The following AKAP6 variants were observed in gnomAD, a reference collection of about 807,000 sequenced individuals.
AKAP6 encodes A-kinase anchoring protein 6, also known as A-kinase anchor protein 6.
A neutral mutation model predicts 188.5 loss-of-function variants in AKAP6; 58 were observed. That is an observed-to-expected ratio of 0.31 (90% CI 0.25 to 0.38). The LOEUF is 0.38. AKAP6 is among the 10% of genes least tolerant of loss of function. AKAP6 has a pLI of 1.00. For synonymous variants in AKAP6, 989 were observed against 998.6 expected, an observed-to-expected ratio of 0.99 and a Z score of 0.18; for missense variants, 2,710 against 2,740.0, an observed-to-expected ratio of 0.99 and a Z score of 0.24.
At chr14:32,381,073 A>G (rs1207802451) in intron 1 of AKAP6, among the ~76,000 whole-genome samples, 1 of 152,194 alleles carries the variant, frequency 6.6e-6, no homozygotes, top group African/African-American at 2.4e-5. Context: ...ATGGTAGCTC[A>G]TGCCTGTAAT....
intron 7 of AKAP6, among the ~76,000 whole-genome samples, chr14:32,607,289 C>T (rs1283592599): frequency 1.3e-5 from 2 of 152,208 alleles, no homozygotes; most frequent in East Asian, 1.9e-4. Context: ...TCTTCCGAAA[C>T]AGTGCTAATG....
Position 32,465,970 on chromosome 14 carries a change from G to A in AKAP6, c.324+32153G>A, listed in dbSNP as rs569001442. ...ACATTTATGCAGCCAACAAACATAT[G>A]AAAAAAGCTCATCATCATTGGTCAT... On this transcript the variant is annotated intron_variant, in intron 2 of 13. Coordinates refer to ENST00000280979, the MANE Select transcript of AKAP6 (RefSeq NM_004274.5). Among the ~76,000 whole-genome samples the A allele has an allele frequency of 2.6e-4, 39 of 152,212 alleles. No homozygotes were observed. The South Asian group carries it at 6.6e-3, about 26-fold the overall frequency.
intron 2 of AKAP6, among the ~76,000 whole-genome samples, chr14:32,458,524 T>G (rs1456953458): frequency 6.6e-6 from 1 of 152,148 alleles, no homozygotes; most frequent in African/African-American, 2.4e-5. Context: ...GAAAGTATTA[T>G]TAGTAGTCAC....
chr14:32,463,576 G>C (rs1878211682), intron 2 of AKAP6, among the ~76,000 whole-genome samples: 1 of 152,142 alleles, frequency 6.6e-6, no homozygotes, highest in South Asian at 2.1e-4. Flanking sequence ...CAGTGTACCA[G>C]AATCTCTGGG....
intron 1 of AKAP6, among the ~76,000 whole-genome samples, chr14:32,335,136 G>A (rs1449853422): frequency 6.6e-6 from 1 of 152,046 alleles, no homozygotes; most frequent in Non-Finnish European, 1.5e-5. Flanking sequence ...TTAGAATGGG[G>A]TCTCAAACTG....
At chr14:32,500,841 C>G (rs1880574600) in intron 2 of AKAP6, among the ~76,000 whole-genome samples, 2 of 152,130 alleles carry the variant, frequency 1.3e-5, no homozygotes, top group African/African-American at 4.8e-5. Flanking sequence ...TTCCCCCATT[C>G]CCTTTATCCT....
intron 9 of AKAP6, among the ~76,000 whole-genome samples, chr14:32,707,999 T>G (rs544829498): frequency 6.6e-6 from 1 of 152,120 alleles, no homozygotes; most frequent in African/African-American, 2.4e-5. Flanking sequence ...AATCCACAAC[T>G]AATCACCATA....
At chr14:32,600,936 A>G (rs1885902909) in intron 7 of AKAP6, 144 bp downstream of exon 7, 2 of 685,176 alleles carry the variant, frequency 2.9e-6, no homozygotes, top group Non-Finnish European at 4.2e-6. Flanking sequence ...TATAAACAAA[A>G]TGAAATGCCT....
At chr14:32,769,316 G>A (rs2032825423) in intron 11 of AKAP6, among the ~76,000 whole-genome samples, 1 of 151,922 alleles carries the variant, frequency 6.6e-6, no homozygotes. Context: ...CCACAGTGCT[G>A]GGATTACAGA....
chr14:32,532,621 T>C (rs949456659), intron 2 of AKAP6, among the ~76,000 whole-genome samples: 2 of 152,106 alleles, frequency 1.3e-5, no homozygotes, highest in African/African-American at 2.4e-5. Flanking sequence ...TGCAGGATGG[T>C]GTGGAGTAGA....
Position 32,460,295 on chromosome 14 carries a change from T to G in AKAP6, c.324+26478T>G, listed in dbSNP as rs144350791. On this transcript the variant is annotated intron_variant, in intron 2 of 13. Coordinates refer to ENST00000280979, the MANE Select transcript of AKAP6 (RefSeq NM_004274.5). ...ACAGAGAGAGAGGAAAGGTACAGATTAAAAGAGATATAAGAGATATATTAA... is the reference window on the plus strand; with the variant it reads ...ACAGAGAGAGAGGAAAGGTACAGATGAAAAGAGATATAAGAGATATATTAA... 1.1e-4 allele frequency among the ~76,000 whole-genome samples: 17 copies of G among 152,174 alleles called. No individual in the cohort carries two copies. In the East Asian group the frequency reaches 2.9e-3, roughly 26 times the overall value.
chr14:32,430,059 C>T lies in AKAP6; in HGVS notation c.-34-3401C>T, dbSNP rs148619292. Among the ~76,000 whole-genome samples the T allele has an allele frequency of 1.7e-4, 26 of 152,248 alleles. 1 individual carries two copies. The highest frequency in any genetic ancestry group is 1.2e-3 in the Admixed American group (18 of 15,284). ...AACGTGTAAATAATGACTTACAAAA[C>T]GCTGTTTTCATGATAGTAATTTATT... On this transcript the variant is annotated intron_variant, in intron 1 of 13. Coordinates refer to ENST00000280979, the MANE Select transcript of AKAP6 (RefSeq NM_004274.5).
chr14:32,432,894 T>A (rs1890266115), intron 1 of AKAP6, among the ~76,000 whole-genome samples: 1 of 152,166 alleles, frequency 6.6e-6, no homozygotes, highest in Non-Finnish European at 1.5e-5. Flanking sequence ...GGAACCCGTG[T>A]TTCTACCCTC....
intron 12 of AKAP6, among the ~76,000 whole-genome samples, chr14:32,782,360 A>G (rs1272088899): frequency 6.6e-6 from 1 of 152,220 alleles, no homozygotes; most frequent in Non-Finnish European, 1.5e-5. Context: ...GCAAAGATGT[A>G]CAATTTCACC....
At chr14:32,580,696 C>T (rs1272103034) in intron 5 of AKAP6, among the ~76,000 whole-genome samples, 1 of 152,034 alleles carries the variant, frequency 6.6e-6, no homozygotes, top group Non-Finnish European at 1.5e-5. Flanking sequence ...AATGCTATCC[C>T]TCCCCACTCC....
chr14:32,339,208 A>G (rs1886816221), intron 1 of AKAP6, among the ~76,000 whole-genome samples: 1 of 152,182 alleles, frequency 6.6e-6, no homozygotes, highest in African/African-American at 2.4e-5. Flanking sequence ...TAGGTGCTCA[A>G]TAAACATTTG....
chr14:32,531,242 T>G (rs926514004), intron 2 of AKAP6, among the ~76,000 whole-genome samples: 1 of 152,224 alleles, frequency 6.6e-6, no homozygotes, highest in Non-Finnish European at 1.5e-5. Flanking sequence ...TTTAAGATAT[T>G]GTTAACCATT....
intron 1 of AKAP6, among the ~76,000 whole-genome samples, chr14:32,427,592 A>AT (rs1890078065): frequency 6.6e-6 from 1 of 152,136 alleles, no homozygotes; most frequent in Non-Finnish European, 1.5e-5. Flanking sequence ...AATTTATTAA[A>AT]TTTGTTTTTG....
At chr14:32,441,147 C>T (rs895424451) in intron 2 of AKAP6, among the ~76,000 whole-genome samples, 1 of 152,158 alleles carries the variant, frequency 6.6e-6, no homozygotes, top group Non-Finnish European at 1.5e-5. Flanking sequence ...TTATAAATTA[C>T]CCAGTCTAAG....
Sources: allele counts gnomAD v4.1 joint callset (sites outside exome capture counted in the v4.1 genomes callset), GRCh38; gene constraint gnomAD v4.1.1; transcripts MANE v1.5; gene names NCBI Gene and HGNC (gene_info 2026-07-23, HGNC 2026-07-21).